EXPH5: variants seen among roughly 807,000 people sequenced by gnomAD.
The protein encoded by EXPH5 is exophilin 5.
A neutral mutation model predicts 41.1 loss-of-function variants in EXPH5; 42 were observed. The ratio of observed to expected loss-of-function variants is 1.02; its 90% CI spans 0.80 to 1.32. EXPH5 has a LOEUF of 1.32. EXPH5 is among the 40% of genes most tolerant of loss of function. EXPH5 has a pLI of 0.00. For missense variants in EXPH5, 2,298 were observed against 2,314.5 expected, an observed-to-expected ratio of 0.99 and a Z score of 0.15; for synonymous variants, 798 against 833.5, an observed-to-expected ratio of 0.96 and a Z score of 0.73.
upstream of EXPH5, among the ~76,000 whole-genome samples, chr11:108,595,803 G>A (rs1177175049): frequency 6.6e-6 from 1 of 152,200 alleles, no homozygotes; most frequent in Non-Finnish European, 1.5e-5. Flanking sequence ...GAGCTGAAAG[G>A]TAGGCTGAGC....
chr11:108,580,404 TAAC>T (rs1186732370), intron 1 of EXPH5, among the ~76,000 whole-genome samples: 3 of 151,334 alleles, frequency 2.0e-5, no homozygotes, highest in Admixed American at 6.6e-5. Flanking sequence ...AAAAAAAAAA[TAAC>T]AAATGCTGGT....
intron 1 of EXPH5, among the ~76,000 whole-genome samples, chr11:108,550,102 C>T (rs1194522627): frequency 6.6e-6 from 1 of 152,232 alleles, no homozygotes; most frequent in African/African-American, 2.4e-5. Flanking sequence ...CACCTCCTTT[C>T]ACCTCCTCCT....
rs1256389384 is a variant in EXPH5 at position 108,511,359 on chromosome 11, T to G, written c.4148A>C (p.Lys1383Thr). Residue 1383 changes from lysine (K) to threonine (T), a missense_variant, in exon 6 of 6, where the codon AAG becomes ACG. By Grantham distance (78) the Lys-to-Thr change is moderately conservative. Coordinates refer to ENST00000265843, the MANE Select transcript of EXPH5 (RefSeq NM_015065.3). Reference sequence around the variant, plus strand: ...ACTTTGCAACTTTTTGCCTCTTTCCTTCTTGTTTTCTGAATCACCTAGAGG... The same window carrying G: ...ACTTTGCAACTTTTTGCCTCTTTCCGTCTTGTTTTCTGAATCACCTAGAGG... ...KTPLGDSENK[K>T]ERGKKLQSET... 6.3e-7 allele frequency: 1 copy of G among 1,581,450 alleles called. No individual in the cohort carries two copies. The highest frequency in any genetic ancestry group is 8.6e-7 in the Non-Finnish European group (1 of 1,168,028).
chr11:108,518,214 C>T, intron 5 of EXPH5, 21 bp downstream of exon 5: 2 of 1,605,352 alleles, frequency 1.2e-6, no homozygotes, highest in Non-Finnish European at 1.7e-6. Context: ...GTTGCAAAGG[C>T]AATTTAATGC....
intron 1 of EXPH5, among the ~76,000 whole-genome samples, chr11:108,566,647 G>A (rs1273586206): frequency 6.6e-6 from 1 of 152,010 alleles, no homozygotes; most frequent in Admixed American, 6.6e-5. Context: ...GAGTCTAGGA[G>A]TTCAAGAATG....
Position 108,539,187 on chromosome 11 carries a change from C to A in EXPH5, c.281-1G>T. On this transcript the variant is annotated splice_acceptor_variant, in intron 2 of 5. Coordinates refer to ENST00000265843, the MANE Select transcript of EXPH5 (RefSeq NM_015065.3). LOFTEE classifies it high-confidence loss of function. ...CTTGATGTAGGTAATTCTATCGGAT[C>A]TAGAAAAAAAAATTGTAAAAATTTT... 1.3e-6 allele frequency: 2 copies of A among 1,553,820 alleles called. No individual in the cohort carries two copies. Among genetic ancestry groups the A allele is most frequent in the Admixed American group, 2.1e-5 (1 of 48,536 alleles).
chr11:108,584,600 T>A (rs2094108176), intron 1 of EXPH5, among the ~76,000 whole-genome samples: 2 of 151,680 alleles, frequency 1.3e-5, no homozygotes, highest in East Asian at 3.9e-4. Context: ...AAGAGCAGAG[T>A]CCAAAAATGG....
the EXPH5 span, among the ~76,000 whole-genome samples, chr11:108,603,764 C>T: frequency 2.6e-5 from 4 of 152,202 alleles, no homozygotes; most frequent in South Asian, 2.1e-4. Context: ...GCCATTTGCT[C>T]CACATGACTG....
chr11:108,606,418 T>C, the EXPH5 span, among the ~76,000 whole-genome samples: 6 of 152,218 alleles, frequency 3.9e-5, no homozygotes, highest in Admixed American at 6.5e-5. Flanking sequence ...TTGGCTCAGC[T>C]TTACTTCCCT....
At chr11:108,585,646 G>C (rs2094110896) in intron 1 of EXPH5, among the ~76,000 whole-genome samples, 1 of 152,186 alleles carries the variant, frequency 6.6e-6, no homozygotes, top group Non-Finnish European at 1.5e-5. Context: ...ACAGAGATTG[G>C]AACTCTTATA....
chr11:108,521,835 C>G (rs550448293), intron 4 of EXPH5, among the ~76,000 whole-genome samples: 1 of 152,162 alleles, frequency 6.6e-6, no homozygotes, highest in Non-Finnish European at 1.5e-5. Flanking sequence ...TCTCTCTCGA[C>G]CATTTAACAC....
chr11:108,606,566 T>C, the EXPH5 span, among the ~76,000 whole-genome samples: 16 of 152,196 alleles, frequency 1.1e-4, no homozygotes, highest in Non-Finnish European at 1.9e-4. Context: ...TTGGGCTCTC[T>C]AATGAGCTTG....
chr11:108,546,764 C>T (rs1194120401), intron 1 of EXPH5, among the ~76,000 whole-genome samples: 1 of 152,010 alleles, frequency 6.6e-6, no homozygotes, highest in South Asian at 2.1e-4. Context: ...TTTATAAATA[C>T]TGCTTTAAAA....
chr11:108,524,491 CA>C, intron 4 of EXPH5, among the ~76,000 whole-genome samples: 1 of 152,272 alleles, frequency 6.6e-6, no homozygotes, highest in East Asian at 1.9e-4. Context: ...GAGGCCATTG[CA>C]AAATGCTGGC....
At chr11:108,518,497 TA>T (rs1183387418) in intron 4 of EXPH5, 124 bp from the exon 5 acceptor site, 2 of 809,214 alleles carry the variant, frequency 2.5e-6, no homozygotes, top group Non-Finnish European at 3.7e-6. Context: ...TCCATTTTTC[TA>T]ATATTTATTT....
chr11:108,600,530 A>T, the EXPH5 span, among the ~76,000 whole-genome samples: 2 of 152,184 alleles, frequency 1.3e-5, no homozygotes, highest in South Asian at 4.1e-4. Flanking sequence ...GCAAATTTCC[A>T]CTAAATAGAA....
At chr11:108,545,475 T>A (rs2093933803) in intron 1 of EXPH5, among the ~76,000 whole-genome samples, 1 of 151,972 alleles carries the variant, frequency 6.6e-6, no homozygotes, top group Non-Finnish European at 1.5e-5. Context: ...TGATATAAGG[T>A]AACAAATAGT....
At chr11:108,581,626 A>G (rs1409134468) in intron 1 of EXPH5, among the ~76,000 whole-genome samples, 1 of 152,148 alleles carries the variant, frequency 6.6e-6, no homozygotes, top group Non-Finnish European at 1.5e-5. Context: ...CAAAATAAAC[A>G]TAAAGCAGGC....
intron 1 of EXPH5, among the ~76,000 whole-genome samples, chr11:108,584,657 A>C (rs527760669): frequency 2.6e-5 from 4 of 152,250 alleles, no homozygotes; most frequent in Non-Finnish European, 5.9e-5. Flanking sequence ...AAAGCAATTT[A>C]ATGAAGGACA....
Sources: allele counts gnomAD v4.1 joint callset (sites outside exome capture counted in the v4.1 genomes callset), GRCh38; gene constraint gnomAD v4.1.1; transcripts MANE v1.5; gene names NCBI Gene and HGNC (gene_info 2026-07-23, HGNC 2026-07-21).